Variants in DNAH5 observed in about 807,000 individuals in gnomAD.
DNAH5 encodes axonemal beta dynein heavy chain 5.
DNAH5 carries 372 observed loss-of-function variants against 518.2 expected under a neutral mutation model. The observed-to-expected ratio is 0.72, with a 90% confidence interval of 0.66 to 0.78. The LOEUF is 0.78. Ranked by LOEUF, DNAH5 falls within the 30% of genes least tolerant of loss-of-function variation. The pLI, the probability that DNAH5 is intolerant of heterozygous loss-of-function variation, is 0.00. For missense variants in DNAH5, 5,523 were observed against 5,687.0 expected (o/e 0.97, Z 0.93); for synonymous variants, 2,039 against 2,025.9 (o/e 1.01, Z -0.17).
chr5:13,935,159 C>A (rs1193240253), intron 1 of DNAH5, among the ~76,000 whole-genome samples: 1 of 152,116 alleles, frequency 6.6e-6, no homozygotes, highest in African/African-American at 2.4e-5. Flanking sequence ...TGTAAAGGAA[C>A]TGAGGGCTTC....
intron 1 of DNAH5, among the ~76,000 whole-genome samples, chr5:13,951,882 C>A (rs910586443): frequency 6.6e-6 from 1 of 152,210 alleles, no homozygotes; most frequent in Non-Finnish European, 1.5e-5. Context: ...CATAAAAATT[C>A]TCCTTTAACC....
In DNAH5 at chr5:13,862,571, C is replaced by A. The variant is rs970151715; in HGVS notation, c.4773G>T (p.Leu1591Phe). The A allele has an allele frequency of 2.5e-6, 4 of 1,613,802 alleles. No individual in the cohort carries two copies. The African/African-American group carries it at 5.3e-5, about 22-fold the overall frequency. ...IIANMEDSLM[L>F]LGSLLSNRYN... ...ACCTGTTGCTCAGTAGGGATCCCAG[C>A]AACATCAAGCTGTCCTCCATGTTGG... is the stretch of plus-strand genomic sequence containing the variant. The change falls in exon 29 of 79, where the codon TTG (leucine) becomes TTT (phenylalanine). Residue 1591 changes from leucine to phenylalanine, a missense_variant. By Grantham distance (22) the Leu-to-Phe change is conservative. Transcript: ENST00000265104.
At chr5:13,740,593 A>AT (rs1238906202) in intron 65 of DNAH5, among the ~76,000 whole-genome samples, 1 of 152,188 alleles carries the variant, frequency 6.6e-6, no homozygotes, top group Non-Finnish European at 1.5e-5. Flanking sequence ...GCATCTGGGA[A>AT]TTTGCACTTC....
At chr5:13,817,749 T>C in intron 41 of DNAH5, 55 bp from the exon 42 acceptor site, 1 of 1,557,674 alleles carries the variant, frequency 6.4e-7, no homozygotes, top group Non-Finnish European at 8.9e-7. Context: ...GAACCATCAT[T>C]AAGCAACATT....
intron 45 of DNAH5, 51 bp from the exon 46 acceptor site, chr5:13,809,237 A>G (rs1406118631): frequency 3.1e-6 from 5 of 1,603,368 alleles, no homozygotes; most frequent in African/African-American, 2.7e-5. Context: ...TTCAACTCCG[A>G]ACTGTAATGA....
rs774231638 is a variant in DNAH5 at position 13,758,959 on chromosome 5, G to A, written c.10306C>T (p.Arg3436Cys). Reference sequence around the variant, plus strand: ...AGATCCTGCATGGCCAGGAGATGGCGATTCTCTTGCACCACCAAGTTGGCC... The same window carrying A: ...AGATCCTGCATGGCCAGGAGATGGCAATTCTCTTGCACCACCAAGTTGGCC... ...LKANLVVQEN[R>C]HLLAMQDLQK... Residue 3436 changes from arginine (R) to cysteine (C), a missense_variant, in exon 61 of 79, where the codon CGC (arginine) becomes TGC (cysteine). This residue lies in a region of DNAH5 where 5,121 missense variants were observed against 5,223.3 expected (regional missense o/e 0.98). Coordinates refer to ENST00000265104, the MANE Select transcript of DNAH5 (RefSeq NM_001369.3). 1.2e-5 allele frequency: 19 copies of A among 1,614,008 alleles called. No homozygotes were observed. The highest frequency in any genetic ancestry group is 1.2e-5 in the Non-Finnish European group (14 of 1,180,022).
chr5:13,781,858 T>C (rs955002529), intron 52 of DNAH5, among the ~76,000 whole-genome samples: 6 of 152,148 alleles, frequency 3.9e-5, no homozygotes, highest in African/African-American at 1.4e-4. Flanking sequence ...CTCCTATTAC[T>C]TGGCAAAGAC....
chr5:13,887,833 C>T (rs1424268593), intron 17 of DNAH5, among the ~76,000 whole-genome samples: 4 of 152,174 alleles, frequency 2.6e-5, no homozygotes, highest in Non-Finnish European at 5.9e-5. Context: ...TCTCCACCGG[C>T]ACACATAGGT....
intron 1 of DNAH5, among the ~76,000 whole-genome samples, chr5:13,961,831 A>G (rs989680710): frequency 1.3e-5 from 2 of 152,070 alleles, no homozygotes; most frequent in African/African-American, 4.8e-5. Flanking sequence ...TCCTCCTTCG[A>G]GAAGCCTGCC....
At chr5:13,872,540 T>C (rs1214456392) in intron 22 of DNAH5, among the ~76,000 whole-genome samples, 1 of 152,196 alleles carries the variant, frequency 6.6e-6, no homozygotes, top group African/African-American at 2.4e-5. Context: ...ACAAGATATT[T>C]TCCACTATTA....
rs377018163 is a variant in DNAH5 at position 13,727,600 on chromosome 5, C to T, written c.11940G>A (p.Glu3980=). ...KIWFDKENPE[E]EPLPNAYDKS... ...TATCATAGGCATTTGGAAGAGGTTC[C>T]TCCTCCGGGTTTTCCTTATCAAACC... is the stretch of plus-strand genomic sequence containing the variant. The change falls in exon 70 of 79, where the codon GAG becomes GAA. Residue 3980 remains glutamate (E), a synonymous_variant. Coordinates refer to ENST00000265104, the MANE Select transcript of DNAH5 (RefSeq NM_001369.3). 4 of 1,613,698 alleles carry T rather than the reference C, an allele frequency of 2.5e-6. No homozygotes were observed. In the African/African-American group the frequency reaches 5.3e-5, roughly 22 times the overall value.
chr5:13,754,435 C>A, intron 61 of DNAH5, 97 bp from the exon 62 acceptor site: 1 of 1,379,198 alleles, frequency 7.3e-7, no homozygotes. Context: ...TATCTGCCTT[C>A]CTGAGACATG....
chr5:13,756,897 G>A (rs138247085), intron 61 of DNAH5, among the ~76,000 whole-genome samples: 7 of 152,098 alleles, frequency 4.6e-5, no homozygotes, highest in East Asian at 3.9e-4. Context: ...TGTTGTTTCC[G>A]TCTATGTGTC....
At chr5:13,935,023 C>T (rs1778796413) in intron 1 of DNAH5, among the ~76,000 whole-genome samples, 1 of 152,140 alleles carries the variant, frequency 6.6e-6, no homozygotes, top group Non-Finnish European at 1.5e-5. Flanking sequence ...TGCTAAATAT[C>T]TTTAGCAGCT....
intron 74 of DNAH5, among the ~76,000 whole-genome samples, chr5:13,715,544 A>T (rs1744178039): frequency 6.6e-6 from 1 of 152,256 alleles, no homozygotes; most frequent in South Asian, 2.1e-4. Context: ...TAAACTCATT[A>T]CATTTGTATA....
At chr5:13,776,182 G>A (rs1301622136) in intron 55 of DNAH5, among the ~76,000 whole-genome samples, 1 of 152,174 alleles carries the variant, frequency 6.6e-6, no homozygotes, top group Non-Finnish European at 1.5e-5. Flanking sequence ...GCTGGATGAT[G>A]TTTTCCTCTT....
intron 21 of DNAH5, among the ~76,000 whole-genome samples, chr5:13,877,409 T>C (rs1771049296): frequency 1.3e-5 from 2 of 152,172 alleles, no homozygotes; most frequent in African/African-American, 2.4e-5. Flanking sequence ...GGCAATGATA[T>C]TAGTTGGGGG....
chr5:13,867,751 C>A (rs1463428361), intron 25 of DNAH5, 23 bp downstream of exon 25: 1 of 1,591,366 alleles, frequency 6.3e-7, no homozygotes, highest in Non-Finnish European at 8.6e-7. Flanking sequence ...CGAAAACGCA[C>A]ACAGAGAAAG....
chr5:13,757,105 A>G (rs1271407458), intron 61 of DNAH5, among the ~76,000 whole-genome samples: 1 of 152,176 alleles, frequency 6.6e-6, no homozygotes, highest in Admixed American at 6.5e-5. Context: ...CCAGTCTACC[A>G]CTGTTGAACA....
Sources: allele counts gnomAD v4.1 joint callset (sites outside exome capture counted in the v4.1 genomes callset), GRCh38; gene constraint gnomAD v4.1.1; regional missense constraint gnomAD v4.1.1; transcripts MANE v1.5; gene names NCBI Gene and HGNC (gene_info 2026-07-23, HGNC 2026-07-21).